Variants in MAP6 observed in about 807,000 individuals in gnomAD.
MAP6 encodes microtubule-associated protein 6.
MAP6 carries 26 observed loss-of-function variants against 42.4 expected under a neutral mutation model. The observed-to-expected ratio is 0.61, with a 90% CI of 0.45 to 0.85. The LOEUF is 0.85. MAP6 is among the 40% of genes least tolerant of loss of function. The probability of loss-of-function intolerance (pLI) is 0.00; values close to 1 mark genes in which losing one functional copy is unlikely to be tolerated. For missense variants in MAP6, 966 were observed against 1,099.0 expected, an observed-to-expected ratio of 0.88 and a Z score of 1.71; for synonymous variants, 418 against 443.8, an observed-to-expected ratio of 0.94 and a Z score of 0.73.
intron 3 of MAP6, among the ~76,000 whole-genome samples, chr11:75,592,247 T>C (rs1942492115): frequency 1.3e-5 from 2 of 152,154 alleles, no homozygotes; most frequent in Admixed American, 6.5e-5. Context: ...CGTCTCACAG[T>C]CTCTCTCTCC....
rs982683163 is a variant in MAP6 at position 75,660,363 on chromosome 11, C to T, written c.905+7102G>A. Among the ~76,000 whole-genome samples, 7 of 152,184 alleles carry T rather than the reference C, an allele frequency of 4.6e-5. No individual in the cohort carries two copies. The East Asian group carries it at 1.3e-3, about 29-fold the overall frequency. ...TCCATTTACTCAACCGACCCTCAAACACCTCTTGTTAGATATCCCATAGAC... is the reference window on the plus strand; with the variant it reads ...TCCATTTACTCAACCGACCCTCAAATACCTCTTGTTAGATATCCCATAGAC... On this transcript the variant is annotated intron_variant, in intron 1 of 3. Transcript: ENST00000304771.
At chr11:75,597,257 C>T (rs1430118513) in intron 3 of MAP6, 1 of 152,202 alleles carries the variant, frequency 6.6e-6, no homozygotes, top group Non-Finnish European at 1.5e-5. Context: ...ACTCTGGGTT[C>T]CCTCCAGGCA....
intron 1 of MAP6, among the ~76,000 whole-genome samples, chr11:75,609,116 T>G (rs1381578810): frequency 6.6e-6 from 1 of 152,222 alleles, no homozygotes; most frequent in Non-Finnish European, 1.5e-5. Flanking sequence ...TCAGTTTTCT[T>G]GTTCTCTGCA....
In MAP6 at chr11:75,667,859, G is replaced by A; in HGVS notation, c.511C>T (p.His171Tyr). ...TGCACGGGCTTGGGGATCCACGGGT[G>A]GTCCCCGCGGCGCGGCAGCGGCCAG... ...RAWPLPRRGDHPWIPKPVQIS... is the reference protein window; with the variant it reads ...RAWPLPRRGDYPWIPKPVQIS... The change falls in exon 1 of 4, where the codon CAC becomes TAC. Residue 171 changes from histidine to tyrosine, a missense_variant. By Grantham distance (83) the His-to-Tyr change is moderately conservative. Coordinates refer to ENST00000304771, the MANE Select transcript of MAP6 (RefSeq NM_033063.2). The surrounding 1 kb of genome is among the most constrained non-coding windows in gnomAD (Gnocchi z 5.6). 6.9e-7 allele frequency: 1 copy of A among 1,441,436 alleles called. No individual in the cohort carries two copies. Among genetic ancestry groups the A allele is most frequent in the South Asian group, 1.4e-5 (1 of 71,186 alleles). 89.3% of individuals were successfully genotyped at this position (1,441,436 alleles called of 1,614,324 possible).
At chr11:75,605,029 G>A (rs1942734595) in intron 3 of MAP6, 3 of 985,500 alleles carry the variant, frequency 3.0e-6, no homozygotes, top group Non-Finnish European at 3.6e-6. Context: ...TGGACAGGTG[G>A]TCGGCCGAGG....
At chr11:75,628,962 A>G (rs1003168609) in intron 1 of MAP6, among the ~76,000 whole-genome samples, 26 of 152,132 alleles carry the variant, frequency 1.7e-4, no homozygotes, top group Non-Finnish European at 2.1e-4. Flanking sequence ...AGAAGTTACT[A>G]CTCCTATTTT....
At chr11:75,632,413 C>G (rs11236474) in intron 1 of MAP6, among the ~76,000 whole-genome samples, 3,221 of 152,282 alleles carry the variant, frequency 0.021, 116 homozygotes, top group African/African-American at 0.074. Flanking sequence ...TGTATAAGGT[C>G]TCTCACAAAC....
chr11:75,658,457 C>T (rs1383079724), intron 1 of MAP6, among the ~76,000 whole-genome samples: 1 of 152,084 alleles, frequency 6.6e-6, no homozygotes, highest in Non-Finnish European at 1.5e-5. Context: ...TCTTCCCTCT[C>T]CCTTTCTGCC....
intron 3 of MAP6, chr11:75,598,754 G>A (rs1184937315): frequency 6.6e-6 from 1 of 152,274 alleles, no homozygotes; most frequent in East Asian, 1.9e-4. Flanking sequence ...CAGAAGCTAG[G>A]GCTACAAAGG....
chr11:75,667,898 T>G lies in MAP6; in HGVS notation c.472A>C (p.Lys158Gln). 2 of 1,437,192 alleles carry G rather than the reference T, an allele frequency of 1.4e-6. No homozygotes were observed. Among genetic ancestry groups the G allele is most frequent in the South Asian group, 2.9e-5 (2 of 69,172 alleles). 89.0% of individuals were successfully genotyped at this position (1,437,192 alleles called of 1,614,324 possible). The part of the protein sequence containing the change: ...APFERETQYQ[K>Q]DFRAWPLPRR... ...GGCAGCGGCCAGGCGCGGAAGTCCT[T>G]CTGGTACTGGGTCTCGCGCTCGAAG... Residue 158 changes from lysine (K) to glutamine (Q), a missense_variant, in exon 1 of 4, where the codon AAG becomes CAG. By Grantham distance (53) the Lys-to-Gln change is moderately conservative (BLOSUM62 1). Around this residue, in one of 2 missense-constraint regions of MAP6, gnomAD observed 943 missense variants for 1,049.9 expected, o/e 0.90. Coordinates refer to ENST00000304771, the MANE Select transcript of MAP6 (RefSeq NM_033063.2). This position sits in a 1 kb window ranked among gnomAD's most constrained non-coding sequence, Gnocchi z 5.6.
At chr11:75,610,407 C>G (rs1280573346) in intron 1 of MAP6, among the ~76,000 whole-genome samples, 1 of 152,178 alleles carries the variant, frequency 6.6e-6, no homozygotes, top group Non-Finnish European at 1.5e-5. Flanking sequence ...GTACTGAGTG[C>G]TTATGGTCTG....
chr11:75,649,190 AT>A (rs144298846), intron 1 of MAP6, among the ~76,000 whole-genome samples: 7,727 of 152,312 alleles, frequency 0.051, 248 homozygotes, highest in East Asian at 0.14. Flanking sequence ...ATGATGGCAG[AT>A]TTATACAGCC....
chr11:75,647,347 C>CAAAAAAAAAAAAAAAAAAACCAACAAAAA (rs1943571668), intron 1 of MAP6, among the ~76,000 whole-genome samples: 1 of 44,186 alleles, frequency 2.3e-5, no homozygotes, highest in Non-Finnish European at 4.3e-5. Flanking sequence ...CCCACCTGAT[C>CAAAAAAAAAAAAAAAAAAACCAACAAAAA]AAAAAAAAAA....
At chr11:75,609,758 A>C (rs1266838956) in intron 1 of MAP6, among the ~76,000 whole-genome samples, 1 of 152,138 alleles carries the variant, frequency 6.6e-6, no homozygotes, top group Non-Finnish European at 1.5e-5. Flanking sequence ...ACTGGCTTTT[A>C]AGAGACCCTT....
chr11:75,666,248 T>C (rs902499389), intron 1 of MAP6, among the ~76,000 whole-genome samples: 6 of 152,098 alleles, frequency 3.9e-5, no homozygotes, highest in Admixed American at 3.9e-4. Flanking sequence ...TCAACTGTGT[T>C]CTGTTAGCTA....
At chr11:75,616,195 C>T (rs975777765) in intron 1 of MAP6, among the ~76,000 whole-genome samples, 3 of 152,096 alleles carry the variant, frequency 2.0e-5, no homozygotes, top group Non-Finnish European at 4.4e-5. Flanking sequence ...TATGATCATA[C>T]AAAAATTCAA....
chr11:75,628,224 AG>A (rs1943229305), intron 1 of MAP6, among the ~76,000 whole-genome samples: 4 of 152,190 alleles, frequency 2.6e-5, no homozygotes, highest in Admixed American at 2.6e-4. Context: ...GGCCAGCTGA[AG>A]TGGCAAACAG....
rs922872735 is a variant in MAP6, at chr11:75,617,690, G to T, written c.906-9368C>A. Among the ~76,000 whole-genome samples the T allele has an allele frequency of 2.0e-5, 3 of 151,962 alleles. No homozygotes were observed. In the South Asian group the frequency reaches 6.2e-4, roughly 32 times the overall value. On this transcript the variant is annotated intron_variant, in intron 1 of 3. Coordinates refer to ENST00000304771, the MANE Select transcript of MAP6 (RefSeq NM_033063.2). ...AGGATAAGAGTGGGGGAGTGTGAGA[G>T]TTAAGACAAGTACACTTACAAATAT...
intron 1 of MAP6, among the ~76,000 whole-genome samples, chr11:75,635,251 C>A (rs1166642751): frequency 6.6e-6 from 1 of 152,178 alleles, no homozygotes; most frequent in African/African-American, 2.4e-5. Context: ...ACCTCACTTC[C>A]TGTGAAATCT....
Sources: gnomAD v4.1 joint callset for allele counts (sites outside exome capture counted in the v4.1 genomes callset) on GRCh38, gnomAD v4.1.1 for gene constraint, gnomAD v4.1.1 regional missense constraint, Gnocchi (gnomAD v3.1) non-coding constraint, MANE v1.5 for transcripts, NCBI Gene and HGNC (gene_info 2026-07-23, HGNC 2026-07-21) for gene names.